The following MICAL3 variants were observed in gnomAD, a reference collection of about 807,000 sequenced individuals.
MICAL3 encodes microtubule associated monooxygenase, calponin and LIM domain containing 3, also known as [F-actin]-monooxygenase MICAL3.
MICAL3 carries 62 observed loss-of-function variants against 207.4 expected under a neutral mutation model. That is an observed-to-expected ratio of 0.30 (90% CI 0.24 to 0.37). MICAL3 has a LOEUF of 0.37. Among genes scored for constraint, MICAL3 ranks in the 10% least tolerant of loss-of-function variants. The pLI is 1.00. For synonymous variants in MICAL3, 1,077 were observed against 1,069.3 expected (o/e 1.01, Z -0.14); for missense variants, 2,368 against 2,635.6 (o/e 0.90, Z 2.22).
At chr22:17,822,475 G>C (rs1178745984) in intron 23 of MICAL3, among the ~76,000 whole-genome samples, 1 of 152,228 alleles carries the variant, frequency 6.6e-6, no homozygotes, top group Non-Finnish European at 1.5e-5. Flanking sequence ...GGGTGTGCCT[G>C]TGGAGGGCAG....
chr22:17,996,036 C>A (rs1163229794), intron 1 of MICAL3, among the ~76,000 whole-genome samples: 1 of 151,260 alleles, frequency 6.6e-6, no homozygotes, highest in African/African-American at 2.4e-5. Flanking sequence ...GTGGTGCACG[C>A]CTGTAGTCTC....
intron 19 of MICAL3, among the ~76,000 whole-genome samples, chr22:17,849,689 T>TGTGTGTG: frequency 2.0e-5 from 1 of 50,640 alleles, no homozygotes; most frequent in East Asian, 4.4e-4. Context: ...TGTGTGTGTA[T>TGTGTGTG]TTTTTTTTTT....
intron 1 of MICAL3, among the ~76,000 whole-genome samples, chr22:17,945,393 C>A (rs1031180946): frequency 6.6e-6 from 1 of 152,184 alleles, no homozygotes; most frequent in South Asian, 2.1e-4. Flanking sequence ...CAGCTCCCTG[C>A]ACACGCGCTG....
intron 22 of MICAL3, among the ~76,000 whole-genome samples, chr22:17,823,327 C>G (rs982068233): frequency 6.6e-6 from 1 of 152,216 alleles, no homozygotes; most frequent in African/African-American, 2.4e-5. Flanking sequence ...GGCATTGTTC[C>G]TCTTCCCCCA....
At chr22:17,995,669 G>T (rs1484862091) in intron 1 of MICAL3, among the ~76,000 whole-genome samples, 1 of 151,546 alleles carries the variant, frequency 6.6e-6, no homozygotes, top group East Asian at 1.9e-4. Context: ...CCCACACCTG[G>T]CTATTTTTTG....
At chr22:17,868,495 C>T (rs1927376381) in intron 17 of MICAL3, among the ~76,000 whole-genome samples, 1 of 152,164 alleles carries the variant, frequency 6.6e-6, no homozygotes, top group Non-Finnish European at 1.5e-5. Flanking sequence ...CCAGCGTGTC[C>T]CACAGTCAGT....
intron 1 of MICAL3, among the ~76,000 whole-genome samples, chr22:18,000,159 G>A (rs1464685669): frequency 2.0e-5 from 3 of 151,640 alleles, no homozygotes; most frequent in African/African-American, 7.3e-5. Flanking sequence ...ATGGAGCAAA[G>A]TGTCAGATGG....
At chr22:17,979,188 G>C (rs527705692) in intron 1 of MICAL3, among the ~76,000 whole-genome samples, 1 of 151,914 alleles carries the variant, frequency 6.6e-6, no homozygotes, top group South Asian at 2.1e-4. Context: ...AACCCTGAGG[G>C]GAGTAACCAT....
Position 17,817,554 on chromosome 22 carries a change from A to G in MICAL3, c.5107T>C (p.Phe1703Leu). 1.2e-6 allele frequency: 2 copies of G among 1,613,312 alleles called. No homozygotes were observed. Among genetic ancestry groups the G allele is most frequent in the Non-Finnish European group, 1.7e-6 (2 of 1,179,786 alleles). Residue 1703 changes from phenylalanine (F) to leucine (L), a missense_variant, in exon 26 of 32, where the codon TTC (phenylalanine) becomes CTC (leucine). Phe to Leu is a conservative substitution (Grantham distance 22). Around this residue, in one of 4 missense-constraint regions of MICAL3, gnomAD observed 1,770 missense variants for 1,863.2 expected, o/e 0.95. Coordinates refer to ENST00000441493, the MANE Select transcript of MICAL3 (RefSeq NM_015241.3). ...TCCTTCTTGTTTCTGCGGGGGGAGAAGAGTGACGACCTCTTCTTGCTCTTC... is the reference window on the plus strand; with the variant it reads ...TCCTTCTTGTTTCTGCGGGGGGAGAGGAGTGACGACCTCTTCTTGCTCTTC... ...SGKSKKRSSLFSPRRNKKEKK... is the reference protein window; with the variant it reads ...SGKSKKRSSLLSPRRNKKEKK...
chr22:17,852,710 T>G (rs1045177206), intron 19 of MICAL3, among the ~76,000 whole-genome samples: 4 of 152,198 alleles, frequency 2.6e-5, no homozygotes, highest in Non-Finnish European at 4.4e-5. Context: ...CATAAACCCT[T>G]GCTCTGCCTA....
At chr22:17,933,406 A>C (rs919249372) in intron 1 of MICAL3, among the ~76,000 whole-genome samples, 5 of 152,348 alleles carry the variant, frequency 3.3e-5, no homozygotes, top group African/African-American at 9.6e-5. Flanking sequence ...AGAAATAAAG[A>C]TGTTCTTTGA....
At chr22:17,947,200 G>A (rs1337004832) in intron 1 of MICAL3, among the ~76,000 whole-genome samples, 1 of 152,198 alleles carries the variant, frequency 6.6e-6, no homozygotes, top group Non-Finnish European at 1.5e-5. Context: ...CGCTGCACGC[G>A]TTCATCTTGC....
chr22:17,962,916 A>AT (rs201557657), intron 1 of MICAL3, among the ~76,000 whole-genome samples: 14 of 151,858 alleles, frequency 9.2e-5, no homozygotes, highest in African/African-American at 2.7e-4. Context: ...GCCCAGCTAA[A>AT]TTTTTTTTTA....
chr22:18,017,426 A>T (rs1924132082), intron 1 of MICAL3, among the ~76,000 whole-genome samples: 1 of 151,772 alleles, frequency 6.6e-6, no homozygotes. Flanking sequence ...AATGTTGGCC[A>T]GGCTGGTCTT....
At chr22:17,869,190 G>A (rs550685278) in intron 17 of MICAL3, among the ~76,000 whole-genome samples, 28 of 152,282 alleles carry the variant, frequency 1.8e-4, no homozygotes, top group African/African-American at 6.3e-4. Flanking sequence ...GGGTGGACAC[G>A]CAATGCTCTC....
chr22:18,001,984 G>A (rs1923060982), intron 1 of MICAL3, among the ~76,000 whole-genome samples: 1 of 151,368 alleles, frequency 6.6e-6, no homozygotes, highest in African/African-American at 2.4e-5. Context: ...GATCACTTGA[G>A]GTCAAGAGTT....
intron 20 of MICAL3, among the ~76,000 whole-genome samples, chr22:17,838,096 T>A (rs1325487592): frequency 2.0e-5 from 3 of 152,350 alleles, no homozygotes. Context: ...TGAGCCACCA[T>A]GCCTGGCTGC....
intron 22 of MICAL3, among the ~76,000 whole-genome samples, chr22:17,823,649 T>A (rs1350630476): frequency 6.6e-6 from 1 of 152,220 alleles, no homozygotes; most frequent in Non-Finnish European, 1.5e-5. Flanking sequence ...TATAAAATTA[T>A]CTTTAGGCTA....
At chr22:17,919,365 T>C (rs938636625) in intron 1 of MICAL3, among the ~76,000 whole-genome samples, 1 of 152,236 alleles carries the variant, frequency 6.6e-6, no homozygotes, top group Non-Finnish European at 1.5e-5. Context: ...CTCTAAATGT[T>C]ATTTACTTAC....
Sources: gnomAD v4.1 joint callset for allele counts (sites outside exome capture counted in the v4.1 genomes callset) on GRCh38, gnomAD v4.1.1 for gene constraint, gnomAD v4.1.1 regional missense constraint, MANE v1.5 for transcripts, NCBI Gene and HGNC (gene_info 2026-07-23, HGNC 2026-07-21) for gene names.